LOXL4: variants seen among roughly 807,000 people sequenced by gnomAD.
LOXL4 encodes lysyl oxidase like 4, also known as lysyl oxidase homolog 4.
A neutral mutation model predicts 89.1 loss-of-function variants in LOXL4; 72 were observed. That is an observed-to-expected ratio of 0.81 (90% CI 0.67 to 0.98). The LOEUF (loss-of-function observed/expected upper bound fraction) is 0.98. Ranked by LOEUF, LOXL4 falls within the 50% of genes least tolerant of loss-of-function variation. The pLI, the probability that LOXL4 is intolerant of heterozygous loss-of-function variation, is 0.00. For missense variants in LOXL4, 984 were observed against 1,017.5 expected (o/e 0.97, Z 0.45); for synonymous variants, 355 against 392.1 (o/e 0.91, Z 1.12).
intron 1 of LOXL4, among the ~76,000 whole-genome samples, chr10:98,266,553 G>A (rs1858692854): frequency 6.6e-6 from 1 of 152,102 alleles, no homozygotes. Context: ...TAGGACCCTG[G>A]GGTCTGGGCC....
chr10:98,255,391 C>T (rs573201344), intron 10 of LOXL4, among the ~76,000 whole-genome samples, 186 bp downstream of exon 10: 8 of 152,246 alleles, frequency 5.3e-5, no homozygotes, highest in East Asian at 1.9e-4. Flanking sequence ...ACAATAACTC[C>T]GTGAGGGGGC....
chr10:98,252,769 G>C (rs1302087652), intron 11 of LOXL4, among the ~76,000 whole-genome samples: 4 of 152,214 alleles, frequency 2.6e-5, no homozygotes, highest in African/African-American at 9.7e-5. Flanking sequence ...CTGAACTGGG[G>C]GGAGAGGCGG....
chr10:98,267,498 C>A (rs767222259), intron 1 of LOXL4, among the ~76,000 whole-genome samples: 1 of 152,168 alleles, frequency 6.6e-6, no homozygotes, highest in Non-Finnish European at 1.5e-5. Context: ...GGTGCAGCAA[C>A]TTTAGGATGG....
chr10:98,265,974 C>T (rs1047478853), intron 1 of LOXL4, among the ~76,000 whole-genome samples: 4 of 152,218 alleles, frequency 2.6e-5, no homozygotes, highest in East Asian at 1.9e-4. Flanking sequence ...ACCCCTCCCA[C>T]GCTTCCTTTC....
chr10:98,260,951 G>T lies in LOXL4; in HGVS notation c.633C>A (p.Ser211Arg), dbSNP rs138201736. Residue 211 changes from serine to arginine, a missense_variant, in exon 4 of 15, where the codon AGC becomes AGA. Physicochemically the swap from Ser to Arg is moderately radical, Grantham distance 110. Transcript: ENST00000260702. ...RVVCGMLGFP[S>R]EVPVDSHYYR... ...AGTAGTGGCTGTCGACAGGCACCTC[G>T]CTGGGGAAGCCCAGCATCCCGCACA... The T allele has an allele frequency of 1.1e-5, 17 of 1,612,858 alleles. No homozygotes were observed. In the Admixed American group the frequency reaches 2.5e-4, roughly 24 times the overall value.
rs1180638378 is a variant in LOXL4, at chr10:98,257,816, G to A, written c.1106-12C>T. Reference sequence around the variant, plus strand: ...GATGGGCCCTAGCCCTAGATGGGGAGAGAGGTGCTGTGTGCGAGGCTCCAT... The same window carrying A: ...GATGGGCCCTAGCCCTAGATGGGGAAAGAGGTGCTGTGTGCGAGGCTCCAT... On this transcript the variant is annotated splice_polypyrimidine_tract_variant and intron_variant, in intron 7 of 14. Transcript: ENST00000260702. The A allele has an allele frequency of 6.2e-7, 1 of 1,607,904 alleles. No homozygotes were observed. Among genetic ancestry groups the A allele is most frequent in the Non-Finnish European group, 8.5e-7 (1 of 1,176,198 alleles).
At chr10:98,260,832 C>T (rs1858513774) in intron 4 of LOXL4, 90 bp downstream of exon 4, 1 of 1,351,696 alleles carries the variant, frequency 7.4e-7, no homozygotes, top group Non-Finnish European at 1.0e-6. Context: ...CATGCACACA[C>T]CCTACATCAC....
chr10:98,260,865 T>A lies in LOXL4; in HGVS notation c.662+57A>T, dbSNP rs1590883194. On this transcript the variant is annotated intron_variant, in intron 4 of 14. Coordinates refer to ENST00000260702, the MANE Select transcript of LOXL4 (RefSeq NM_032211.7). ...CACATGCACGCACATGAACACACAC[T>A]CAGTCCCTGCCCCACAACCCTGCCT... The A allele has an allele frequency of 4.6e-6, 7 of 1,527,132 alleles. No individual in the cohort carries two copies. The East Asian group carries it at 1.2e-4, about 27-fold the overall frequency. The allele number at this position is 1,527,132 out of a possible 1,614,324, so 94.6% of individuals were successfully genotyped here.
chr10:98,261,709 G>A (rs1161194014), intron 3 of LOXL4, among the ~76,000 whole-genome samples: 3 of 152,364 alleles, frequency 2.0e-5, no homozygotes, highest in South Asian at 4.1e-4. Context: ...TTTAGCTCAG[G>A]GTTGTTTGTG....
rs114274527 is a variant in LOXL4, at chr10:98,252,173, G to A, written c.1951+180C>T. 1,192 of 587,198 alleles carry A rather than the reference G, an allele frequency of 2.0e-3. 7 individuals are homozygous for A. The African/African-American group carries it at 0.021, about 10-fold the overall frequency. 36.4% of individuals were successfully genotyped at this position (587,198 alleles called of 1,614,324 possible). On this transcript the variant is annotated intron_variant, in intron 12 of 14. Transcript: ENST00000260702. ...ACAATGCGTGGGGAATTCAGAGGAA[G>A]TAAAAACCTCCTGCGTAAGATTTCA...
At chr10:98,261,953 T>C (rs1858553211) in intron 3 of LOXL4, 82 bp downstream of exon 3, 14 of 1,398,918 alleles carry the variant, frequency 1.0e-5, no homozygotes, top group Non-Finnish European at 1.3e-5. Flanking sequence ...CCCTCGCTTA[T>C]CCTCTAGGCC....
chr10:98,252,328 T>C (rs1019888648), intron 12 of LOXL4, 25 bp downstream of exon 12: 11 of 1,514,000 alleles, frequency 7.3e-6, no homozygotes, highest in Non-Finnish European at 8.3e-6. Context: ...GAGATGCTGA[T>C]AGGTGCTGAC....
chr10:98,256,790 T>A lies in LOXL4; in HGVS notation c.1418A>T (p.His473Leu). 6.2e-7 allele frequency: 1 copy of A among 1,614,122 alleles called. No homozygotes were observed. Among genetic ancestry groups the A allele is most frequent in the Non-Finnish European group, 8.5e-7 (1 of 1,180,030 alleles). ...CRQLGLGFAI[H>L]AYKETWFWSG... The stretch of plus-strand genomic sequence containing the variant: ...AACAGAGGGACCTACCTTGTAGGCA[T>A]GGATGGCAAAACCCAGGCCGAGCTG... The change falls in exon 9 of 15, where the codon CAT becomes CTT. Residue 473 changes from histidine to leucine, a missense_variant. Coordinates refer to ENST00000260702, the MANE Select transcript of LOXL4 (RefSeq NM_032211.7).
chr10:98,250,158 C>A (rs962399485), intron 14 of LOXL4, among the ~76,000 whole-genome samples: 1 of 152,200 alleles, frequency 6.6e-6, no homozygotes, highest in Non-Finnish European at 1.5e-5. Context: ...TCGGGTGACG[C>A]CTTCCAAAGC....
intron 12 of LOXL4, 22 bp from the exon 13 acceptor site, chr10:98,251,724 G>A: frequency 6.2e-7 from 1 of 1,613,292 alleles, no homozygotes; most frequent in Non-Finnish European, 8.5e-7. Flanking sequence ...GGGACAGACA[G>A]GTTTTGAGGC....
Position 98,260,935 on chromosome 10 carries a change from TGTC to T in LOXL4, c.646_648del (p.Asp216del), listed in dbSNP as rs757306799. The T allele has an allele frequency of 1.2e-6, 2 of 1,611,176 alleles. No homozygotes were observed. Among genetic ancestry groups the T allele is most frequent in the Non-Finnish European group, 1.7e-6 (2 of 1,179,128 alleles). On this transcript the variant is annotated inframe_deletion, in exon 4 of 15. Transcript: ENST00000260702. Reference sequence around the variant, plus strand: ...CCGCCCTCCTACCTGTAGTAGTGGCTGTCGACAGGCACCTCGCTGGGGAAGCCC... The same window carrying T: ...CCGCCCTCCTACCTGTAGTAGTGGCTGACAGGCACCTCGCTGGGGAAGCCC...
chr10:98,254,638 CTG>C (rs1396364694), intron 10 of LOXL4, among the ~76,000 whole-genome samples: 1 of 152,258 alleles, frequency 6.6e-6, no homozygotes. Flanking sequence ...GATTGGCTGA[CTG>C]TGCCAAGTTG....
intron 9 of LOXL4, 45 bp from the exon 10 acceptor site, chr10:98,255,784 C>T: frequency 1.3e-6 from 2 of 1,583,742 alleles, no homozygotes; most frequent in Non-Finnish European, 1.7e-6. Context: ...CCTTTGGAGT[C>T]ACCTCCTGAC....
At chr10:98,260,810 C>G (rs546780279) in intron 4 of LOXL4, 112 bp downstream of exon 4, 55 of 1,138,648 alleles carry the variant, frequency 4.8e-5, no homozygotes, top group South Asian at 4.7e-4. Context: ...CACATGAGTC[C>G]ACACTCAGAC....
Sources: allele counts gnomAD v4.1 joint callset (sites outside exome capture counted in the v4.1 genomes callset), GRCh38; gene constraint gnomAD v4.1.1; transcripts MANE v1.5; gene names NCBI Gene and HGNC (gene_info 2026-07-23, HGNC 2026-07-21).